Variants in EXOC1L observed in about 807,000 individuals in gnomAD.
EXOC1L encodes exocyst complex component 1 like.
A neutral mutation model predicts 4.9 loss-of-function variants in EXOC1L; 10 were observed. The observed-to-expected ratio is 2.02, with a 90% CI of 1.25 to 3.43. The LOEUF (loss-of-function observed/expected upper bound fraction) is 3.43, where lower values mean the gene tolerates loss of function less well. EXOC1L is among the 30% of genes most tolerant of loss of function. The pLI, the probability that EXOC1L is intolerant of heterozygous loss-of-function variation, is 0.00. For synonymous variants in EXOC1L, 41 were observed against 20.8 expected, an observed-to-expected ratio of 1.97 and a Z score of -2.63; for missense variants, 114 against 59.4, an observed-to-expected ratio of 1.92 and a Z score of -3.02.
At chr4:55,821,127 CT>C (rs1719726739) in intron 1 of EXOC1L, among the ~76,000 whole-genome samples, 1 of 152,046 alleles carries the variant, frequency 6.6e-6, no homozygotes, top group African/African-American at 2.4e-5. Context: ...GGAGGGAGTG[CT>C]GTAAGGGAAA....
At chr4:55,825,679 A>G (rs1036690665) in intron 1 of EXOC1L, among the ~76,000 whole-genome samples, 2 of 152,134 alleles carry the variant, frequency 1.3e-5, no homozygotes, top group Admixed American at 6.6e-5. Context: ...AAACATCAGC[A>G]ACTCATGTCC....
intron 1 of EXOC1L, among the ~76,000 whole-genome samples, chr4:55,828,652 G>A (rs931304114): frequency 2.0e-5 from 3 of 151,808 alleles, no homozygotes; most frequent in Admixed American, 6.6e-5. Flanking sequence ...ACTATCACTG[G>A]GTAATACAGT....
At chr4:55,833,293 T>C (rs1163329090) in intron 2 of EXOC1L, among the ~76,000 whole-genome samples, 1 of 151,892 alleles carries the variant, frequency 6.6e-6, no homozygotes. Flanking sequence ...TATAAAACTT[T>C]TCTAAAATAT....
At chr4:55,827,730 A>T (rs73151564) in intron 1 of EXOC1L, among the ~76,000 whole-genome samples, 5,559 of 152,218 alleles carry the variant, frequency 0.037, 346 homozygotes, top group African/African-American at 0.13. Context: ...TGAGACATCT[A>T]GCTGGAGCAA....
intron 2 of EXOC1L, 79 bp from the exon 3 acceptor site, chr4:55,837,006 C>T: frequency 1.8e-6 from 1 of 558,944 alleles, no homozygotes; most frequent in Non-Finnish European, 3.2e-6. Context: ...TAAACATATC[C>T]AAGAGAATAT....
chr4:55,827,297 T>G (rs1450880481), intron 1 of EXOC1L, among the ~76,000 whole-genome samples: 1 of 152,160 alleles, frequency 6.6e-6, no homozygotes, highest in Non-Finnish European at 1.5e-5. Flanking sequence ...AGAACTACCT[T>G]TACCCATCTT....
chr4:55,823,677 T>C (rs187275197), intron 1 of EXOC1L, among the ~76,000 whole-genome samples: 1 of 151,012 alleles, frequency 6.6e-6, no homozygotes, highest in African/African-American at 2.4e-5. Context: ...GTTGCAGTTT[T>C]ACTCAAGGCT....
intron 1 of EXOC1L, among the ~76,000 whole-genome samples, chr4:55,828,882 G>A (rs755674208): frequency 2.0e-5 from 3 of 150,834 alleles, no homozygotes; most frequent in East Asian, 1.9e-4. Context: ...AACAAATGAC[G>A]ACAACAAAAA....
intron 1 of EXOC1L, among the ~76,000 whole-genome samples, chr4:55,821,291 C>A (rs144207502): frequency 1.3e-5 from 2 of 151,392 alleles, no homozygotes; most frequent in African/African-American, 2.4e-5. Context: ...GGTATTCTAG[C>A]GACATAAAAA....
intron 1 of EXOC1L, among the ~76,000 whole-genome samples, chr4:55,823,328 T>C (rs1719793360): frequency 6.6e-6 from 1 of 152,152 alleles, no homozygotes; most frequent in African/African-American, 2.4e-5. Flanking sequence ...AAGACTTCAT[T>C]TGGGACCACT....
At chr4:55,830,502 T>C (rs946197969) in intron 1 of EXOC1L, among the ~76,000 whole-genome samples, 7 of 152,184 alleles carry the variant, frequency 4.6e-5, no homozygotes, top group African/African-American at 1.7e-4. Context: ...AAGTAGCAAA[T>C]ACTCAGTAAA....
chr4:55,824,271 T>A (rs552999648), intron 1 of EXOC1L, among the ~76,000 whole-genome samples: 22 of 144,706 alleles, frequency 1.5e-4, no homozygotes, highest in South Asian at 6.6e-4. Context: ...TCTCTCTCTC[T>A]CTCACACACA....
chr4:55,829,173 G>A (rs1719962307), intron 1 of EXOC1L, among the ~76,000 whole-genome samples: 1 of 152,030 alleles, frequency 6.6e-6, no homozygotes, highest in Non-Finnish European at 1.5e-5. Flanking sequence ...CCATGCCCAG[G>A]TTACTACAAC....
chr4:55,837,359 T>G lies in EXOC1L; in HGVS notation c.*8T>G. 1 of 512,518 alleles carries G rather than the reference T, an allele frequency of 2.0e-6. No individual in the cohort carries two copies. The highest frequency in any genetic ancestry group is 3.5e-6 in the Non-Finnish European group (1 of 284,984). The allele number at this position is 512,518 out of a possible 1,614,324, so 31.7% of individuals were successfully genotyped here. A position where few individuals can be genotyped will look rare whatever the true frequency, so the allele number is the denominator to read the frequency against. ...TGTCCCTTGCCACTCTGAAGCTGTG[T>G]ACCACATTCCTTCATCAGTGACCTA... On this transcript the variant is annotated 3_prime_UTR_variant, in exon 3 of 3. Transcript: ENST00000636125.
chr4:55,822,826 G>A (rs1577662356), intron 1 of EXOC1L, among the ~76,000 whole-genome samples: 1 of 152,064 alleles, frequency 6.6e-6, no homozygotes, highest in Middle Eastern at 3.4e-3. Context: ...AAAACCAAAT[G>A]TGATACACTG....
At chr4:55,822,712 G>T (rs1577662267) in intron 1 of EXOC1L, among the ~76,000 whole-genome samples, 1 of 152,136 alleles carries the variant, frequency 6.6e-6, no homozygotes, top group Non-Finnish European at 1.5e-5. Flanking sequence ...GAAATCTGGG[G>T]CGAGATAAGT....
intron 1 of EXOC1L, among the ~76,000 whole-genome samples, chr4:55,822,575 T>C (rs1719775527): frequency 1.3e-5 from 2 of 152,062 alleles, no homozygotes; most frequent in Admixed American, 1.3e-4. Flanking sequence ...GGACTTGACA[T>C]AGCATATTAA....
chr4:55,831,772 A>G (rs150815408), intron 2 of EXOC1L, among the ~76,000 whole-genome samples: 302 of 152,196 alleles, frequency 2.0e-3, no homozygotes, highest in African/African-American at 6.9e-3. Context: ...TGATGCTTCT[A>G]CCATCACTTT....
chr4:55,834,760 G>A (rs1169748658), intron 2 of EXOC1L, among the ~76,000 whole-genome samples: 3 of 151,560 alleles, frequency 2.0e-5, no homozygotes, highest in Non-Finnish European at 4.4e-5. Context: ...AAAGTGCTGC[G>A]CTTAAAAACC....
Sources: allele counts gnomAD v4.1 joint callset (sites outside exome capture counted in the v4.1 genomes callset), GRCh38; gene constraint gnomAD v4.1.1; transcripts MANE v1.5; gene names NCBI Gene and HGNC (gene_info 2026-07-23, HGNC 2026-07-21).